Variants in LHCGR observed in about 807,000 individuals in gnomAD.
LHCGR encodes lutropin-choriogonadotropic hormone receptor.
Under a neutral mutation model 60.7 loss-of-function variants are expected in LHCGR, and 55 were observed. The ratio of observed to expected loss-of-function variants is 0.91; its 90% CI spans 0.73 to 1.13. The LOEUF (loss-of-function observed/expected upper bound fraction) is 1.13, where lower values mean the gene tolerates loss of function less well. Among genes scored for constraint, LHCGR ranks in the 50% most tolerant of loss-of-function variants. The pLI is 0.00. For missense variants in LHCGR, 862 were observed against 836.0 expected (o/e 1.03, Z -0.38); for synonymous variants, 337 against 316.5 (o/e 1.06, Z -0.69).
At chr2:48,735,885 T>A (rs1381595991) in intron 1 of LHCGR, among the ~76,000 whole-genome samples, 1 of 152,122 alleles carries the variant, frequency 6.6e-6, no homozygotes, top group Non-Finnish European at 1.5e-5. Flanking sequence ...GAGGTGGGGC[T>A]TGGTTGGAGG....
intron 1 of LHCGR, among the ~76,000 whole-genome samples, chr2:48,748,729 T>C (rs550270838): frequency 6.6e-6 from 1 of 152,348 alleles, no homozygotes; most frequent in South Asian, 2.1e-4. Context: ...AAACTTTATT[T>C]CCATACTTTT....
At chr2:48,692,361 G>A (rs188506368) in intron 10 of LHCGR, among the ~76,000 whole-genome samples, 156 of 152,294 alleles carry the variant, frequency 1.0e-3, no homozygotes, top group Non-Finnish European at 1.8e-3. Context: ...GGTCAAACAT[G>A]TTTTCTCACT....
intron 1 of LHCGR, among the ~76,000 whole-genome samples, chr2:48,735,815 T>C (rs561669732): frequency 6.6e-6 from 1 of 152,290 alleles, no homozygotes; most frequent in Admixed American, 6.5e-5. Flanking sequence ...GCTTATAGAC[T>C]GATGTGGTTT....
At chr2:48,737,512 G>C (rs542712687) in intron 1 of LHCGR, among the ~76,000 whole-genome samples, 90 of 152,252 alleles carry the variant, frequency 5.9e-4, no homozygotes, top group Admixed American at 2.2e-3. Context: ...TAATAAACTT[G>C]CTTTCATCTT....
chr2:48,739,710 T>C (rs1231433255), intron 1 of LHCGR, among the ~76,000 whole-genome samples: 2 of 151,902 alleles, frequency 1.3e-5, no homozygotes, highest in Non-Finnish European at 1.5e-5. Flanking sequence ...ATACCTAATG[T>C]TAAATGACGA....
intron 1 of LHCGR, among the ~76,000 whole-genome samples, chr2:48,751,474 C>G (rs1305767235): frequency 6.6e-6 from 1 of 152,186 alleles, no homozygotes; most frequent in South Asian, 2.1e-4. Context: ...GCCCATGAAG[C>G]CTTCCCTTGG....
intron 6 of LHCGR, among the ~76,000 whole-genome samples, chr2:48,719,474 A>C (rs1300658765): frequency 6.6e-6 from 1 of 152,032 alleles, no homozygotes; most frequent in East Asian, 1.9e-4. Flanking sequence ...TTCTTTGTGG[A>C]GTTAAGATGT....
intron 1 of LHCGR, among the ~76,000 whole-genome samples, chr2:48,745,876 A>G (rs1241923382): frequency 6.6e-6 from 1 of 150,482 alleles, no homozygotes; most frequent in African/African-American, 2.4e-5. Flanking sequence ...ATTAAAAATT[A>G]AAAGAAAAAA....
chr2:48,724,581 G>A (rs553732624), intron 4 of LHCGR, among the ~76,000 whole-genome samples: 1 of 152,292 alleles, frequency 6.6e-6, no homozygotes, highest in East Asian at 1.9e-4. Context: ...AGACTGCAAC[G>A]TGTACTTGGG....
At chr2:48,698,586 G>T (rs1320660101) in intron 9 of LHCGR, 29 bp downstream of exon 9, 11 of 1,585,224 alleles carry the variant, frequency 6.9e-6, no homozygotes, top group Non-Finnish European at 8.7e-6. Context: ...CACAGCTTGG[G>T]TAGGCTTTAC....
chr2:48,699,612 C>T (rs1667310983), intron 8 of LHCGR, among the ~76,000 whole-genome samples: 1 of 152,228 alleles, frequency 6.6e-6, no homozygotes, highest in African/African-American at 2.4e-5. Flanking sequence ...TTATTAAGAG[C>T]TTCTGTGTGG....
At chr2:48,729,760 C>T (rs754034159) in intron 2 of LHCGR, among the ~76,000 whole-genome samples, 38 of 152,210 alleles carry the variant, frequency 2.5e-4, no homozygotes, top group Non-Finnish European at 4.7e-4. Context: ...TCAACTCCTG[C>T]ACATGGTATC....
intron 7 of LHCGR, among the ~76,000 whole-genome samples, chr2:48,713,367 A>G (rs1668086996): frequency 6.6e-6 from 1 of 152,096 alleles, no homozygotes. Context: ...AGCCCCACAA[A>G]CTTTGTGAAT....
At chr2:48,694,052 A>T (rs955325573) in intron 10 of LHCGR, among the ~76,000 whole-genome samples, 172 bp downstream of exon 10, 1 of 152,232 alleles carries the variant, frequency 6.6e-6, no homozygotes. Flanking sequence ...GACATACCTG[A>T]TCAACTTGAT....
intron 2 of LHCGR, among the ~76,000 whole-genome samples, chr2:48,730,045 C>T (rs1388398629): frequency 6.6e-6 from 1 of 152,130 alleles, no homozygotes; most frequent in Non-Finnish European, 1.5e-5. Flanking sequence ...ACATACGCTA[C>T]CATTTCCTGC....
At chr2:48,742,472 C>T (rs1669502529) in intron 1 of LHCGR, among the ~76,000 whole-genome samples, 1 of 151,438 alleles carries the variant, frequency 6.6e-6, no homozygotes, top group African/African-American at 2.4e-5. Flanking sequence ...TGTAAAAGAA[C>T]AGAAATTATA....
At chr2:48,742,733 G>A (rs1473603825) in intron 1 of LHCGR, among the ~76,000 whole-genome samples, 1 of 152,034 alleles carries the variant, frequency 6.6e-6, no homozygotes, top group East Asian at 1.9e-4. Context: ...GCCCACAAGA[G>A]ACAGCAGGAA....
intron 6 of LHCGR, among the ~76,000 whole-genome samples, chr2:48,717,558 T>TTAC (rs1053871021): frequency 4.6e-5 from 7 of 151,932 alleles, no homozygotes; most frequent in Admixed American, 6.6e-5. Flanking sequence ...ATTATTATTA[T>TTAC]TATATTTTTC....
chr2:48,710,284 T>C (rs1667915830), intron 7 of LHCGR, among the ~76,000 whole-genome samples: 1 of 152,160 alleles, frequency 6.6e-6, no homozygotes, highest in Non-Finnish European at 1.5e-5. Flanking sequence ...AAAATATAAA[T>C]CAAAAGAAAT....
Sources: gnomAD v4.1 joint callset for allele counts (sites outside exome capture counted in the v4.1 genomes callset) on GRCh38, gnomAD v4.1.1 for gene constraint, MANE v1.5 for transcripts, NCBI Gene and HGNC (gene_info 2026-07-23, HGNC 2026-07-21) for gene names.